The following LRRC41 variants were observed in gnomAD, a reference collection of about 807,000 sequenced individuals.
The protein encoded by LRRC41 is leucine-rich repeat-containing protein 41.
In LRRC41, 17 loss-of-function variants were observed where a neutral mutation model predicts 72.1. The ratio of observed to expected loss-of-function variants is 0.24; its 90% confidence interval spans 0.16 to 0.35. The LOEUF is 0.35. LRRC41 is among the 10% of genes least tolerant of loss of function. The probability of loss-of-function intolerance (pLI) is 1.00; values close to 1 mark genes in which losing one functional copy is unlikely to be tolerated. For missense variants in LRRC41, 759 were observed against 1,065.0 expected (o/e 0.71, Z 4.00); for synonymous variants, 427 against 431.0 (o/e 0.99, Z 0.11).
At chr1:46,289,692 C>T (rs908730063) in intron 3 of LRRC41, among the ~76,000 whole-genome samples, 1 of 151,930 alleles carries the variant, frequency 6.6e-6, no homozygotes, top group Non-Finnish European at 1.5e-5. Context: ...ACCCGGGAGG[C>T]GGAGCTTGCA....
intron 2 of LRRC41, 30 bp downstream of exon 2, chr1:46,298,251 CATT>C (rs1302989711): frequency 7.0e-7 from 1 of 1,429,274 alleles, no homozygotes; most frequent in East Asian, 2.3e-5. Flanking sequence ...TGCTCATAAT[CATT>C]GACTGAGAAA....
intron 4 of LRRC41, among the ~76,000 whole-genome samples, chr1:46,282,151 C>G (rs1660791341): frequency 6.6e-6 from 1 of 151,254 alleles, no homozygotes; most frequent in South Asian, 2.1e-4. Flanking sequence ...CTACATGAGG[C>G]TCAGGAAACA....
intron 3 of LRRC41, among the ~76,000 whole-genome samples, chr1:46,288,298 G>A (rs1229802499): frequency 6.6e-6 from 1 of 152,092 alleles, no homozygotes; most frequent in Admixed American, 6.5e-5. Context: ...AGAAAGTCAG[G>A]TCCCAGCTCT....
intron 4 of LRRC41, among the ~76,000 whole-genome samples, chr1:46,282,949 G>A (rs1043340759): frequency 2.6e-5 from 4 of 151,228 alleles, no homozygotes; most frequent in Non-Finnish European, 4.4e-5. Context: ...GCTTGGACCC[G>A]AGAGGCGGAG....
Position 46,279,513 on chromosome 1 carries a change from G to C in LRRC41, c.2122C>G (p.Arg708Gly), listed in dbSNP as rs762415702. 1 of 1,614,224 alleles carries C rather than the reference G, an allele frequency of 6.2e-7. No individual in the cohort carries two copies. Among genetic ancestry groups the C allele is most frequent in the Non-Finnish European group, 8.5e-7 (1 of 1,180,036 alleles). ...MKGNSTLKGL[R>G]LPGNRLGNAG... ...CCACCCAGGCGGTTCCCTGGCAGCC[G>C]GAGGCCCTTCAGTGTGGAGTTGCCC... is the stretch of plus-strand genomic sequence containing the variant. The change falls in exon 8 of 10, where the codon CGG becomes GGG. Residue 708 changes from arginine (R) to glycine (G), a missense_variant. Around this residue, in one of 4 missense-constraint regions of LRRC41, gnomAD observed 110 missense variants for 227.0 expected, o/e 0.48. Coordinates refer to ENST00000617190, the MANE Select transcript of LRRC41 (RefSeq NM_006369.5). The surrounding 1 kb of genome is among the most constrained non-coding windows in gnomAD (Gnocchi z 4.5).
chr1:46,290,582 ACTTGC>A lies in LRRC41; in HGVS notation c.358-4088_358-4084del, dbSNP rs200210343. ...GAAAATGTGTACCATATGTAATAATACTTGCTGTATTTAATATTTCCATTGTTTCT... is the reference window on the plus strand; with the variant it reads ...GAAAATGTGTACCATATGTAATAATATGTATTTAATATTTCCATTGTTTCT... On this transcript the variant is annotated intron_variant, in intron 3 of 9. Coordinates refer to ENST00000617190, the MANE Select transcript of LRRC41 (RefSeq NM_006369.5). 4.8e-3 allele frequency among the ~76,000 whole-genome samples: 726 copies of A among 151,458 alleles called. 1 individual carries two copies. Among genetic ancestry groups the A allele is most frequent in the Admixed American group, 0.022 (337 of 15,206 alleles).
intron 3 of LRRC41, among the ~76,000 whole-genome samples, chr1:46,294,448 C>T (rs946820678): frequency 2.4e-4 from 36 of 152,116 alleles, no homozygotes; most frequent in African/African-American, 8.4e-4. Flanking sequence ...TGCACTGTCC[C>T]CCAGGCTGGA....
At chr1:46,292,619 C>T (rs991616277) in intron 3 of LRRC41, among the ~76,000 whole-genome samples, 8 of 152,338 alleles carry the variant, frequency 5.3e-5, no homozygotes, top group African/African-American at 1.9e-4. Context: ...CAACATTTTT[C>T]ACTTTACTGG....
chr1:46,281,744 TGAAG>T (rs1309429033), intron 4 of LRRC41, among the ~76,000 whole-genome samples: 1 of 152,152 alleles, frequency 6.6e-6, no homozygotes, highest in Non-Finnish European at 1.5e-5. Flanking sequence ...AAACTGGCCT[TGAAG>T]GAAGGAAGTT....
chr1:46,295,868 G>A (rs888650934), intron 3 of LRRC41, among the ~76,000 whole-genome samples: 1 of 152,160 alleles, frequency 6.6e-6, no homozygotes, highest in African/African-American at 2.4e-5. Flanking sequence ...GTCCAGATTT[G>A]GAAGTGAATA....
intron 3 of LRRC41, among the ~76,000 whole-genome samples, chr1:46,289,401 GCTT>G (rs1433115554): frequency 1.3e-5 from 2 of 152,140 alleles, no homozygotes; most frequent in African/African-American, 4.8e-5. Flanking sequence ...GCTCTCAGTG[GCTT>G]CTTTCTCACA....
At position 46,278,259 on chromosome 1, in the gene LRRC41, G is replaced by A. The variant is rs777090635; in HGVS notation, c.*606C>T. 6.2e-6 allele frequency: 10 copies of A among 1,613,380 alleles called. No individual in the cohort carries two copies. The East Asian group carries it at 2.0e-4, about 32-fold the overall frequency. On this transcript the variant is annotated 3_prime_UTR_variant, in exon 10 of 10. Transcript: ENST00000617190. ...CTTCGTCTTCCACCAGCGTTCTCAT[G>A]AGGAGCAGCGGGGCCTCCGCTGATA...
intron 1 of LRRC41, 106 bp downstream of exon 1, chr1:46,303,018 C>G: frequency 7.6e-7 from 1 of 1,320,954 alleles, no homozygotes; most frequent in Non-Finnish European, 9.6e-7. Flanking sequence ...TTCAGCGCCC[C>G]AGGCTGGGCC....
intron 3 of LRRC41, among the ~76,000 whole-genome samples, chr1:46,293,384 C>T (rs1243713842): frequency 4.6e-5 from 7 of 151,338 alleles, no homozygotes; most frequent in South Asian, 2.1e-4. Context: ...GGACTAGAGG[C>T]GCACACCAGC....
chr1:46,281,095 A>G (rs776584313), intron 5 of LRRC41, 30 bp downstream of exon 5: 1 of 1,610,576 alleles, frequency 6.2e-7, no homozygotes, highest in Non-Finnish European at 8.5e-7. Flanking sequence ...ACGTGCGTGC[A>G]CACACACAAA....
At chr1:46,289,225 C>T (rs1215034963) in intron 3 of LRRC41, among the ~76,000 whole-genome samples, 3 of 152,222 alleles carry the variant, frequency 2.0e-5, no homozygotes, top group Non-Finnish European at 4.4e-5. Flanking sequence ...ACATGCACTC[C>T]AGAAGCAGAC....
chr1:46,286,067 G>A lies in LRRC41; in HGVS notation c.790C>T (p.Arg264Cys), dbSNP rs745751064. The A allele has an allele frequency of 4.3e-5, 69 of 1,608,818 alleles. No homozygotes were observed. The highest frequency in any genetic ancestry group is 5.5e-5 in the Non-Finnish European group (65 of 1,176,122). ...CCTCGGGAGGCCTCTCCACAGAGGC[G>A]GCAGGGTGGGCCACCAGGCCCTGGT... ...WQPGPGGPPCRLCGEASRGRA... is the reference protein window; with the variant it reads ...WQPGPGGPPCCLCGEASRGRA... The change falls in exon 4 of 10, where the codon CGC becomes TGC. Residue 264 changes from arginine (R) to cysteine (C), a missense_variant. Coordinates refer to ENST00000617190, the MANE Select transcript of LRRC41 (RefSeq NM_006369.5). The surrounding 1 kb of genome is among the most constrained non-coding windows in gnomAD (Gnocchi z 5.5).
Position 46,277,751 on chromosome 1 carries a change from T to C in LRRC41, c.*1114A>G. On this transcript the variant is annotated 3_prime_UTR_variant, in exon 10 of 10. Transcript: ENST00000617190. ...TGTAGTTTCAACCCTTTGGTTTTCC[T>C]GCTCCCTTTTTATGAGGATGGCTAA... 3 of 1,524,394 alleles carry C rather than the reference T, an allele frequency of 2.0e-6. No homozygotes were observed. The highest frequency in any genetic ancestry group is 2.7e-6 in the Non-Finnish European group (3 of 1,103,868). The allele number at this position is 1,524,394 out of a possible 1,614,324, so 94.4% of individuals were successfully genotyped here.
chr1:46,299,608 G>A (rs1449820383), intron 1 of LRRC41: 1 of 151,804 alleles, frequency 6.6e-6, no homozygotes, highest in Non-Finnish European at 1.5e-5. Context: ...GGGATGCAAT[G>A]GTTCACACCT....
Sources: allele counts gnomAD v4.1 joint callset (sites outside exome capture counted in the v4.1 genomes callset), GRCh38; gene constraint gnomAD v4.1.1; regional missense constraint gnomAD v4.1.1; non-coding constraint Gnocchi (gnomAD v3.1); transcripts MANE v1.5; gene names NCBI Gene and HGNC (gene_info 2026-07-23, HGNC 2026-07-21).